Variants in TTC38 observed in about 807,000 individuals in gnomAD.
TTC38 encodes the protein tetratricopeptide repeat protein 38.
In TTC38, 64 loss-of-function variants were observed where a neutral mutation model predicts 64.2. The ratio of observed to expected loss-of-function variants is 1.00; its 90% CI spans 0.81 to 1.23. The LOEUF (loss-of-function observed/expected upper bound fraction) is 1.23. Among genes scored for constraint, TTC38 ranks in the 50% most tolerant of loss-of-function variants. The pLI is 0.00. For synonymous variants in TTC38, 254 were observed against 249.3 expected (o/e 1.02, Z -0.18); for missense variants, 573 against 615.5 (o/e 0.93, Z 0.73).
In TTC38 at chr22:46,272,518, G is replaced by A; in HGVS notation, c.193+102G>A. On this transcript the variant is annotated intron_variant, in intron 3 of 13. Transcript: ENST00000381031. The surrounding 1 kb of genome is among the most constrained non-coding windows in gnomAD (Gnocchi z 6.4). ...CAGTTGGGATGGGGAAGGCAGGTTGGGTGGCAGCAACCAGGGTGGCATTTG... is the reference window on the plus strand; with the variant it reads ...CAGTTGGGATGGGGAAGGCAGGTTGAGTGGCAGCAACCAGGGTGGCATTTG... 1 of 969,378 alleles carries A rather than the reference G, an allele frequency of 1.0e-6. No homozygotes were observed. Among genetic ancestry groups the A allele is most frequent in the Non-Finnish European group, 1.6e-6 (1 of 622,370 alleles). The allele number at this position is 969,378 out of a possible 1,614,324, so 60.0% of individuals were successfully genotyped here. A position where few individuals can be genotyped will look rare whatever the true frequency, so the allele number is the denominator to read the frequency against.
chr22:46,270,210 T>A lies in TTC38; in HGVS notation c.111+1619T>A, dbSNP rs1936864743. 6.6e-6 allele frequency among the ~76,000 whole-genome samples: 1 copy of A among 152,192 alleles called. No individual in the cohort carries two copies. Among genetic ancestry groups the A allele is most frequent in the Non-Finnish European group, 1.5e-5 (1 of 68,036 alleles). On this transcript the variant is annotated intron_variant, in intron 2 of 13. Transcript: ENST00000381031. The surrounding 1 kb of genome is among the most constrained non-coding windows in gnomAD (Gnocchi z 4.7). ...GTGCTGTCCTGTGTTAGAACTTGGC[T>A]TCTTTAAATCTCTGTGCCAACCCTC... is the stretch of plus-strand genomic sequence containing the variant.
At chr22:46,288,304 C>A in intron 10 of TTC38, 119 bp from the exon 11 acceptor site, 1 of 1,039,138 alleles carries the variant, frequency 9.6e-7, no homozygotes, top group Non-Finnish European at 1.4e-6. Flanking sequence ...ACCTCCCCGG[C>A]CTCTCACCTG....
At position 46,292,390 on chromosome 22, in the gene TTC38, C is replaced by G. The variant is rs1601889628; in HGVS notation, c.1317-401C>G. 3.3e-6 allele frequency: 1 copy of G among 304,574 alleles called. No homozygotes were observed. Among genetic ancestry groups the G allele is most frequent in the South Asian group, 3.0e-5 (1 of 32,840 alleles). 18.9% of individuals were successfully genotyped at this position (304,574 alleles called of 1,614,324 possible). A position where few individuals can be genotyped will look rare whatever the true frequency, so the allele number is the denominator to read the frequency against. ...TAATCCCATTCACAAGGGCCCCACC[C>G]TCATGACTTAATCACCTCCAAGAGG... On this transcript the variant is annotated intron_variant, in intron 13 of 13. Coordinates refer to ENST00000381031, the MANE Select transcript of TTC38 (RefSeq NM_017931.4). The surrounding 1 kb of genome is among the most constrained non-coding windows in gnomAD (Gnocchi z 6.5).
At chr22:46,269,896 G>A (rs1371908647) in intron 2 of TTC38, among the ~76,000 whole-genome samples, 1 of 152,152 alleles carries the variant, frequency 6.6e-6, no homozygotes, top group Non-Finnish European at 1.5e-5. Context: ...GGGTTCAAGC[G>A]ATTGCCCTGC....
rs1366771034 is a variant in TTC38 at position 46,282,434 on chromosome 22, G to A, written c.735+716G>A. On this transcript the variant is annotated intron_variant, in intron 7 of 13. Transcript: ENST00000381031. This position sits in a 1 kb window ranked among gnomAD's most constrained non-coding sequence, Gnocchi z 4.4. ...GAGGTGGGCCCTCTGGACAGACGGG[G>A]CTGCATCAGGTGAGCCTATTGGGCT... Among the ~76,000 whole-genome samples the A allele has an allele frequency of 6.6e-6, 1 of 152,214 alleles. No individual in the cohort carries two copies. Among genetic ancestry groups the A allele is most frequent in the East Asian group, 1.9e-4 (1 of 5,202 alleles).
chr22:46,269,097 C>G (rs573400563), intron 2 of TTC38: 3 of 421,966 alleles, frequency 7.1e-6, no homozygotes, highest in Non-Finnish European at 1.4e-5. Context: ...TGCCCCCCCC[C>G]CACAGCGTCC....
Position 46,281,530 on chromosome 22 carries a change from G to T in TTC38, c.616-69G>T, listed in dbSNP as rs944860320. On this transcript the variant is annotated intron_variant, in intron 6 of 13. Coordinates refer to ENST00000381031, the MANE Select transcript of TTC38 (RefSeq NM_017931.4). The surrounding 1 kb of genome is among the most constrained non-coding windows in gnomAD (Gnocchi z 5.2). ...GGCCCCTCTTGCCCCTTAGAGACCTGCCGTCGCCTGCCCCGGCAGCCTGAC... is the reference window on the plus strand; with the variant it reads ...GGCCCCTCTTGCCCCTTAGAGACCTTCCGTCGCCTGCCCCGGCAGCCTGAC... The T allele has an allele frequency of 3.2e-6, 5 of 1,583,772 alleles. No individual in the cohort carries two copies. Among genetic ancestry groups the T allele is most frequent in the Non-Finnish European group, 4.3e-6 (5 of 1,161,420 alleles).
rs772943844 is a variant in TTC38 at position 46,285,260 on chromosome 22, T to G, written c.815T>G (p.Leu272Arg). 3.0e-5 allele frequency: 48 copies of G among 1,614,126 alleles called. No individual in the cohort carries two copies. The highest frequency in any genetic ancestry group is 3.8e-5 in the Non-Finnish European group (45 of 1,180,038). ...LIEKGEYEAALTIYDTHILPS... is the reference protein window; with the variant it reads ...LIEKGEYEAARTIYDTHILPS... Reference sequence around the variant, plus strand: ...TTCCAGGGCGAATATGAGGCCGCGCTGACCATCTACGATACCCACGTAAGT... The same window carrying G: ...TTCCAGGGCGAATATGAGGCCGCGCGGACCATCTACGATACCCACGTAAGT... Residue 272 changes from leucine (L) to arginine (R), a missense_variant, in exon 9 of 14, where the codon CTG becomes CGG. By Grantham distance (102) the Leu-to-Arg change is moderately radical. Transcript: ENST00000381031.
chr22:46,282,310 C>T lies in TTC38; in HGVS notation c.735+592C>T, dbSNP rs1293061070. On this transcript the variant is annotated intron_variant, in intron 7 of 13. Coordinates refer to ENST00000381031, the MANE Select transcript of TTC38 (RefSeq NM_017931.4). The surrounding 1 kb of genome is among the most constrained non-coding windows in gnomAD (Gnocchi z 4.4). ...AGGCGGACATGGGCTGTGCAGGAGG[C>T]CTTGTCAGTCCCTCTTTCCAGGGGA... Among the ~76,000 whole-genome samples, 2 of 152,168 alleles carry T rather than the reference C, an allele frequency of 1.3e-5. No homozygotes were observed. Among genetic ancestry groups the T allele is most frequent in the Admixed American group, 6.5e-5 (1 of 15,286 alleles).
At position 46,275,517 on chromosome 22, in the gene TTC38, AT is replaced by A; in HGVS notation, c.539+97del. 3 of 1,240,624 alleles carry A rather than the reference AT, an allele frequency of 2.4e-6. No homozygotes were observed. The highest frequency in any genetic ancestry group is 3.4e-6 in the Non-Finnish European group (3 of 888,190). The allele number at this position is 1,240,624 out of a possible 1,614,324, so 76.9% of individuals were successfully genotyped here. ...CTCTCTTGGCCCTGTCCTAAAAATA[AT>A]GGGACCACTGTTGCTATTCTCCTAG... is the stretch of plus-strand genomic sequence containing the variant. On this transcript the variant is annotated intron_variant, in intron 5 of 13. Coordinates refer to ENST00000381031, the MANE Select transcript of TTC38 (RefSeq NM_017931.4). This position sits in a 1 kb window ranked among gnomAD's most constrained non-coding sequence, Gnocchi z 4.5.
At chr22:46,279,957 G>A (rs1185846636) in intron 6 of TTC38, 1 of 369,248 alleles carries the variant, frequency 2.7e-6, no homozygotes, top group African/African-American at 2.1e-5. Context: ...CCCGCACTGA[G>A]GGTGGCCAAA....
In TTC38 at chr22:46,275,142, C is replaced by A. The variant is rs1185068268; in HGVS notation, c.366-106C>A. The A allele has an allele frequency of 8.9e-7, 1 of 1,127,006 alleles. No homozygotes were observed. The highest frequency in any genetic ancestry group is 1.6e-5 in the African/African-American group (1 of 62,736). 69.8% of individuals were successfully genotyped at this position (1,127,006 alleles called of 1,614,324 possible). ...AGTCAGAAACTGATTTTTAAAAAAACACATCCATGTAGACCATGACACTGG... is the reference window on the plus strand; with the variant it reads ...AGTCAGAAACTGATTTTTAAAAAAAAACATCCATGTAGACCATGACACTGG... On this transcript the variant is annotated intron_variant, in intron 4 of 13. Transcript: ENST00000381031. This position sits in a 1 kb window ranked among gnomAD's most constrained non-coding sequence, Gnocchi z 4.5.
intron 2 of TTC38, 26 bp downstream of exon 2, chr22:46,268,617 C>G (rs923302482): frequency 4.8e-5 from 77 of 1,610,640 alleles, no homozygotes; most frequent in Non-Finnish European, 6.5e-5. Flanking sequence ...GAGGCCGCGG[C>G]CCCTTCTGTG....
chr22:46,281,622 C>T lies in TTC38; in HGVS notation c.639C>T (p.Asp213=), dbSNP rs11556946. The T allele has an allele frequency of 2.0e-5, 32 of 1,614,042 alleles. No homozygotes were observed. Among genetic ancestry groups the T allele is most frequent in the South Asian group, 2.0e-4 (18 of 91,086 alleles). The change falls in exon 7 of 14, where the codon GAC becomes GAT. Residue 213 remains aspartate, a synonymous_variant. Coordinates refer to ENST00000381031, the MANE Select transcript of TTC38 (RefSeq NM_017931.4). This position sits in a 1 kb window ranked among gnomAD's most constrained non-coding sequence, Gnocchi z 5.2. ...AGGCTTTATCTATTAACCCGACAGACGCATGGTCGGTGCACACCGTCGCTC... is the reference window on the plus strand; with the variant it reads ...AGGCTTTATCTATTAACCCGACAGATGCATGGTCGGTGCACACCGTCGCTC... ...AKEALSINPT[D]AWSVHTVAHI... is the part of the protein sequence containing the mutation.
Position 46,293,763 on chromosome 22 carries a change from ACTGAACGCCTG to A in TTC38, c.*885_*895del, listed in dbSNP as rs941150424. Reference sequence around the variant, plus strand: ...CGCCGCCTCTGTCTCCTGCTTCCCCACTGAACGCCTGCTGAATGTGCCGCTGACTCAGCTGT... The same window carrying A: ...CGCCGCCTCTGTCTCCTGCTTCCCCACTGAATGTGCCGCTGACTCAGCTGT... On this transcript the variant is annotated 3_prime_UTR_variant, in exon 14 of 14. Coordinates refer to ENST00000381031, the MANE Select transcript of TTC38 (RefSeq NM_017931.4). The surrounding 1 kb of genome is among the most constrained non-coding windows in gnomAD (Gnocchi z 6.6). 2 of 152,144 alleles carry A rather than the reference ACTGAACGCCTG, an allele frequency of 1.3e-5. No homozygotes were observed. Among genetic ancestry groups the A allele is most frequent in the Non-Finnish European group, 2.9e-5 (2 of 68,082 alleles). 9.4% of individuals were successfully genotyped at this position (152,144 alleles called of 1,614,324 possible).
At position 46,273,877 on chromosome 22, in the gene TTC38, C is replaced by A. The variant is rs1313064538; in HGVS notation, c.194-21C>A. The A allele has an allele frequency of 1.2e-6, 2 of 1,613,456 alleles. No individual in the cohort carries two copies. The highest frequency in any genetic ancestry group is 1.7e-5 in the Admixed American group (1 of 60,018). On this transcript the variant is annotated intron_variant, in intron 3 of 13. Transcript: ENST00000381031. The surrounding 1 kb of genome is among the most constrained non-coding windows in gnomAD (Gnocchi z 5.1). ...GAGCTGGACCATCTGAACCACCAGC[C>A]GTTCTCTAACCTCCCACCAGTGATG...
Position 46,271,416 on chromosome 22 carries a change from T to C in TTC38, c.112-919T>C, listed in dbSNP as rs1262590401. Among the ~76,000 whole-genome samples, 1 of 151,956 alleles carries C rather than the reference T, an allele frequency of 6.6e-6. No homozygotes were observed. The highest frequency in any genetic ancestry group is 2.4e-5 in the African/African-American group (1 of 41,370). The stretch of plus-strand genomic sequence containing the variant: ...TTTAGTAGAGACGGGGGTTTCACCG[T>C]GTTAGCCAGGATGGTCTCGATCTCC... On this transcript the variant is annotated intron_variant, in intron 2 of 13. Transcript: ENST00000381031. This position sits in a 1 kb window ranked among gnomAD's most constrained non-coding sequence, Gnocchi z 5.5.
chr22:46,271,302 G>T lies in TTC38; in HGVS notation c.112-1033G>T, dbSNP rs909064990. On this transcript the variant is annotated intron_variant, in intron 2 of 13. Coordinates refer to ENST00000381031, the MANE Select transcript of TTC38 (RefSeq NM_017931.4). This position sits in a 1 kb window ranked among gnomAD's most constrained non-coding sequence, Gnocchi z 5.5. ...GTCGCCCAGGCTGGAGTGCAGTGGC[G>T]CCTGGGTTCACGCCATTCTCCTGCC... Among the ~76,000 whole-genome samples the T allele has an allele frequency of 1.3e-5, 2 of 149,380 alleles. No homozygotes were observed. Among genetic ancestry groups the T allele is most frequent in the Admixed American group, 6.7e-5 (1 of 14,988 alleles).
Position 46,288,476 on chromosome 22 carries a change from A to G in TTC38, c.970A>G (p.Ser324Gly), listed in dbSNP as rs757247662. Residue 324 changes from serine (S) to glycine (G), a missense_variant, in exon 11 of 14, where the codon AGC (serine) becomes GGC (glycine). Transcript: ENST00000381031. The stretch of plus-strand genomic sequence containing the variant: ...TGTCCTGCCTGTGGCCCGGAAGCAC[A>G]GCCGAGACCACATCCTGCTGTTCAA... ...QDVLPVARKH[S>G]RDHILLFNDA... 2.9e-5 allele frequency: 47 copies of G among 1,613,894 alleles called. No homozygotes were observed. Among genetic ancestry groups the G allele is most frequent in the Non-Finnish European group, 3.8e-5 (45 of 1,179,924 alleles).
Sources: allele counts gnomAD v4.1 joint callset (sites outside exome capture counted in the v4.1 genomes callset), GRCh38; gene constraint gnomAD v4.1.1; non-coding constraint Gnocchi (gnomAD v3.1); transcripts MANE v1.5; gene names NCBI Gene and HGNC (gene_info 2026-07-23, HGNC 2026-07-21).